GOLIM4: variants seen among roughly 807,000 people sequenced by gnomAD.
GOLIM4 encodes 130 kDa golgi-localized phosphoprotein.
GOLIM4 carries 71 observed loss-of-function variants against 107.4 expected under a neutral mutation model. The ratio of observed to expected loss-of-function variants is 0.66; its 90% CI spans 0.55 to 0.81. The LOEUF (loss-of-function observed/expected upper bound fraction) is 0.81, where lower values mean the gene tolerates loss of function less well. Among genes scored for constraint, GOLIM4 ranks in the 30% least tolerant of loss-of-function variants. GOLIM4 has a pLI of 0.00. For missense variants in GOLIM4, 830 were observed against 826.1 expected (o/e 1.00, Z -0.06); for synonymous variants, 327 against 294.8 (o/e 1.11, Z -1.12).
intron 14 of GOLIM4, among the ~76,000 whole-genome samples, chr3:168,014,099 G>A (rs1318374710): frequency 7.0e-6 from 1 of 143,222 alleles, no homozygotes; most frequent in Non-Finnish European, 1.5e-5. Context: ...ATGAATCCAG[G>A]AGCTGGTTTT....
intron 11 of GOLIM4, among the ~76,000 whole-genome samples, chr3:168,028,502 G>C (rs912933642): frequency 4.6e-5 from 7 of 152,322 alleles, no homozygotes; most frequent in African/African-American, 1.7e-4. Context: ...ACTAAGCCTA[G>C]AGAAAATGAT....
rs1345000487 is a variant in GOLIM4 at position 168,010,332 on chromosome 3, T to C, written c.2028A>G (p.Glu676=). The C allele has an allele frequency of 1.4e-5, 23 of 1,613,940 alleles. No individual in the cohort carries two copies. The highest frequency in any genetic ancestry group is 3.3e-5 in the South Asian group (3 of 91,064). The part of the protein sequence containing the change: ...PKGREEHYEE[E]EEEEEDGAAV... The stretch of plus-strand genomic sequence containing the variant: ...CAGCCCCGTCTTCTTCCTCCTCTTC[T>C]TCCTCCTCGTAGTGTTCCTCTCGGC... The change falls in exon 16 of 16, where the codon GAA becomes GAG. Residue 676 remains glutamate, a synonymous_variant. Coordinates refer to ENST00000470487, the MANE Select transcript of GOLIM4 (RefSeq NM_014498.5).
At chr3:168,081,247 A>G (rs1435383716) in intron 1 of GOLIM4, among the ~76,000 whole-genome samples, 1 of 152,224 alleles carries the variant, frequency 6.6e-6, no homozygotes, top group Non-Finnish European at 1.5e-5. Context: ...AATTCTCCCC[A>G]GTGACTATCA....
Position 168,055,642 on chromosome 3 carries a change from C to CA in GOLIM4, c.188-7278dup, listed in dbSNP as rs890109673. 1.3e-4 allele frequency among the ~76,000 whole-genome samples: 19 copies of CA among 151,410 alleles called. No individual in the cohort carries two copies. The East Asian group carries it at 2.5e-3, about 20-fold the overall frequency. Reference sequence around the variant, plus strand: ...TAAAACCCCGTCTCTACTAAAAATACAAAAAAAACATTAGCTGGGCGTGAT... The same window carrying CA: ...TAAAACCCCGTCTCTACTAAAAATACAAAAAAAAACATTAGCTGGGCGTGAT... On this transcript the variant is annotated intron_variant, in intron 1 of 15. Transcript: ENST00000470487.
At position 168,029,795 on chromosome 3, in the gene GOLIM4, T is replaced by C; in HGVS notation, c.1418A>G (p.His473Arg). 6.2e-7 allele frequency: 1 copy of C among 1,613,738 alleles called. No individual in the cohort carries two copies. The highest frequency in any genetic ancestry group is 2.2e-5 in the East Asian group (1 of 44,874). The change falls in exon 10 of 16, where the codon CAC (histidine) becomes CGC (arginine). Residue 473 changes from histidine (H) to arginine (R), a missense_variant. Transcript: ENST00000470487. ...QAELEEGRPQ[H>R]QEQLRQQAHY... ...GGAAGGCTACCGGAGCTGCTCCTGGTGCTGCGGCCGGCCCTCCTCAAGCTC... is the reference window on the plus strand; with the variant it reads ...GGAAGGCTACCGGAGCTGCTCCTGGCGCTGCGGCCGGCCCTCCTCAAGCTC...
At chr3:168,049,792 C>T (rs998463696) in intron 1 of GOLIM4, among the ~76,000 whole-genome samples, 19 of 152,164 alleles carry the variant, frequency 1.2e-4, no homozygotes, top group African/African-American at 4.3e-4. Context: ...TGGCCAACAA[C>T]CACCATTGTC....
At chr3:168,018,412 G>A (rs926800955) in intron 14 of GOLIM4, among the ~76,000 whole-genome samples, 1 of 152,160 alleles carries the variant, frequency 6.6e-6, no homozygotes, top group African/African-American at 2.4e-5. Flanking sequence ...GATACCCTGG[G>A]CAGAGCCAAA....
chr3:168,090,713 T>C (rs992039191), intron 1 of GOLIM4, among the ~76,000 whole-genome samples: 5 of 152,212 alleles, frequency 3.3e-5, no homozygotes, highest in Non-Finnish European at 5.9e-5. Context: ...AAAAGATACC[T>C]GCACTTGTAT....
At chr3:168,043,797 T>A (rs1349059591) in intron 4 of GOLIM4, among the ~76,000 whole-genome samples, 1 of 152,180 alleles carries the variant, frequency 6.6e-6, no homozygotes, top group African/African-American at 2.4e-5. Context: ...GGAAAAAATG[T>A]GGGAAAATTC....
At chr3:168,025,286 A>G (rs1717934866) in intron 12 of GOLIM4, among the ~76,000 whole-genome samples, 191 bp from the exon 13 acceptor site, 1 of 152,240 alleles carries the variant, frequency 6.6e-6, no homozygotes, top group South Asian at 2.1e-4. Flanking sequence ...TACTTGTCAG[A>G]GGCTTGATGA....
Position 168,011,450 on chromosome 3 carries a change from G to A in GOLIM4, c.1861-627C>T, listed in dbSNP as rs139865773. Among the ~76,000 whole-genome samples the A allele has an allele frequency of 5.1e-3, 779 of 152,150 alleles. 2 individuals are homozygous for A. The highest frequency in any genetic ancestry group is 0.02 in the East Asian group (106 of 5,172). On this transcript the variant is annotated intron_variant, in intron 14 of 15. Transcript: ENST00000470487. ...GCAGTCTGAGATCAAACTGCAAGGC[G>A]GCAGCAAGGCTGGGGGAGGGGCGCC... is the stretch of plus-strand genomic sequence containing the variant.
chr3:168,046,600 G>A (rs1352755580), intron 3 of GOLIM4, among the ~76,000 whole-genome samples: 1 of 152,120 alleles, frequency 6.6e-6, no homozygotes, highest in Non-Finnish European at 1.5e-5. Flanking sequence ...AAAACTCTAG[G>A]CCAGGTCCTG....
chr3:168,029,442 T>G (rs1718185548), intron 10 of GOLIM4, 140 bp from the exon 11 acceptor site: 7 of 568,354 alleles, frequency 1.2e-5, no homozygotes, highest in Non-Finnish European at 2.1e-5. Context: ...TTTAAAAACC[T>G]CTTATGTATG....
chr3:168,068,377 A>T (rs9815357), intron 1 of GOLIM4, among the ~76,000 whole-genome samples: 44,094 of 150,832 alleles, frequency 0.29, 8,481 homozygotes, highest in African/African-American at 0.55. Flanking sequence ...AAATAAAATT[A>T]AAAAAAAAAT....
chr3:168,040,728 ATTGAGAAATGT>A, intron 7 of GOLIM4, 47 bp downstream of exon 7: 1 of 1,097,796 alleles, frequency 9.1e-7, no homozygotes, highest in South Asian at 1.3e-5. Context: ...GCATAAAGGA[ATTGAGAAATGT>A]TAAGCAGACT....
chr3:168,013,947 A>C (rs532676983), intron 14 of GOLIM4, among the ~76,000 whole-genome samples: 1 of 150,762 alleles, frequency 6.6e-6, no homozygotes, highest in East Asian at 1.9e-4. Flanking sequence ...GGAAAGATCC[A>C]AAATTGACAC....
chr3:168,055,574 G>C (rs916093313), intron 1 of GOLIM4, among the ~76,000 whole-genome samples: 2 of 152,072 alleles, frequency 1.3e-5, no homozygotes, highest in Middle Eastern at 3.4e-3. Flanking sequence ...CGAGGTGGAG[G>C]GATCATGAGG....
chr3:168,068,896 G>A (rs992801047), intron 1 of GOLIM4, among the ~76,000 whole-genome samples: 18 of 151,196 alleles, frequency 1.2e-4, no homozygotes, highest in Non-Finnish European at 4.4e-5. Flanking sequence ...AAGCTCAATG[G>A]CACGATCTCG....
intron 14 of GOLIM4, among the ~76,000 whole-genome samples, chr3:168,011,772 C>A (rs1717051195): frequency 7.4e-6 from 1 of 134,838 alleles, no homozygotes; most frequent in African/African-American, 3.8e-5. Context: ...AGGCACCCCC[C>A]AGCAGGAGCA....
Sources: allele counts gnomAD v4.1 joint callset (sites outside exome capture counted in the v4.1 genomes callset), GRCh38; gene constraint gnomAD v4.1.1; transcripts MANE v1.5; gene names NCBI Gene and HGNC (gene_info 2026-07-23, HGNC 2026-07-21).